The following TAOK1 variants were observed in gnomAD, a reference collection of about 807,000 sequenced individuals.
The protein encoded by TAOK1 is TAO kinase 1.
A neutral mutation model predicts 138.3 loss-of-function variants in TAOK1; 21 were observed. The observed-to-expected ratio is 0.15, with a 90% CI of 0.11 to 0.22. The LOEUF (loss-of-function observed/expected upper bound fraction) is 0.22. TAOK1 is among the 10% of genes least tolerant of loss of function. The pLI, the probability that TAOK1 is intolerant of heterozygous loss-of-function variation, is 1.00. For missense variants in TAOK1, 651 were observed against 1,227.7 expected, an observed-to-expected ratio of 0.53 and a Z score of 7.02; for synonymous variants, 361 against 398.4, an observed-to-expected ratio of 0.91 and a Z score of 1.12.
In TAOK1 at chr17:29,502,639, T is replaced by A. The variant is rs1160500651; in HGVS notation, c.1254T>A (p.Asp418Glu). Reference sequence around the variant, plus strand: ...GAGATCCTAGAACAAGAGCATCAGATCCACAATCTCCACCCCAAGTATCTC... The same window carrying A: ...GAGATCCTAGAACAAGAGCATCAGAACCACAATCTCCACCCCAAGTATCTC... Reference protein sequence around the residue: ...EEGDPRTRASDPQSPPQVSRH... With the variant: ...EEGDPRTRASEPQSPPQVSRH... Residue 418 changes from aspartate to glutamate, a missense_variant, in exon 13 of 20, where the codon GAT becomes GAA. By Grantham distance (45) the Asp-to-Glu change is conservative. This residue lies in a region of TAOK1 where 104 missense variants were observed against 151.7 expected (regional missense o/e 0.69). Transcript: ENST00000261716. 1 of 1,613,796 alleles carries A rather than the reference T, an allele frequency of 6.2e-7. No homozygotes were observed. Among genetic ancestry groups the A allele is most frequent in the Non-Finnish European group, 8.5e-7 (1 of 1,179,952 alleles).
chr17:29,456,345 C>T lies in TAOK1; in HGVS notation c.132+4665C>T, dbSNP rs188995827. Among the ~76,000 whole-genome samples, 422 of 149,770 alleles carry T rather than the reference C, an allele frequency of 2.8e-3. 34 individuals carry two copies. The highest frequency in any genetic ancestry group is 0.01 in the Middle Eastern group (3 of 294). ...CCAGCCTGGGGGATAGAGCGAGACT[C>T]TGTCTCCGGGAAAAAAAAAATGTTT... is the stretch of plus-strand genomic sequence containing the variant. On this transcript the variant is annotated intron_variant, in intron 2 of 19. Coordinates refer to ENST00000261716, the MANE Select transcript of TAOK1 (RefSeq NM_020791.4).
intron 1 of TAOK1, among the ~76,000 whole-genome samples, chr17:29,445,916 A>G (rs1175789210): frequency 2.0e-5 from 3 of 152,146 alleles, no homozygotes; most frequent in African/African-American, 7.2e-5. Context: ...GAAATTTGAT[A>G]ATGAAACTGT....
intron 17 of TAOK1, among the ~76,000 whole-genome samples, chr17:29,528,157 C>A (rs2032043749): frequency 6.6e-6 from 1 of 152,152 alleles, no homozygotes; most frequent in African/African-American, 2.4e-5. Flanking sequence ...TCAAGCAATT[C>A]TTGTGCCTCA....
At chr17:29,483,209 C>G (rs1379602893) in intron 8 of TAOK1, among the ~76,000 whole-genome samples, 1 of 152,128 alleles carries the variant, frequency 6.6e-6, no homozygotes, top group Non-Finnish European at 1.5e-5. Context: ...TCCTGCATAG[C>G]TGGGACTGCA....
chr17:29,469,148 G>A (rs941666255), intron 3 of TAOK1, among the ~76,000 whole-genome samples: 2 of 151,986 alleles, frequency 1.3e-5, no homozygotes, highest in Admixed American at 6.6e-5. Flanking sequence ...TTGGGAGGCC[G>A]AGGTGGGTGG....
chr17:29,509,056 C>T (rs149175056), intron 14 of TAOK1, among the ~76,000 whole-genome samples: 128 of 152,072 alleles, frequency 8.4e-4, no homozygotes, highest in Non-Finnish European at 1.5e-3. Flanking sequence ...GGGACCCTGA[C>T]AAAATAATTT....
intron 19 of TAOK1, among the ~76,000 whole-genome samples, chr17:29,537,354 T>G (rs1252894816): frequency 6.6e-6 from 1 of 151,802 alleles, no homozygotes; most frequent in Non-Finnish European, 1.5e-5. Flanking sequence ...TACTTGTTTG[T>G]TTTTTTTCAA....
Position 29,480,457 on chromosome 17 carries a change from A to T in TAOK1, c.539A>T (p.Asn180Ile). 6.2e-7 allele frequency: 1 copy of T among 1,613,304 alleles called. No homozygotes were observed. ...FGSASMASPA[N>I]SFVGTPYWMA... ...TCTGCTTCCATGGCATCACCTGCCA[A>T]TTCCTTTGTGGGAACGCCGTATTGG... The change falls in exon 7 of 20, where the codon AAT becomes ATT. Residue 180 changes from asparagine to isoleucine, a missense_variant. Asn to Ile is a moderately radical substitution (Grantham distance 149). This residue lies in a region of TAOK1 where 116 missense variants were observed against 213.9 expected (regional missense o/e 0.54). Transcript: ENST00000261716.
At chr17:29,440,864 C>G (rs2029922873) in intron 1 of TAOK1, among the ~76,000 whole-genome samples, 1 of 152,222 alleles carries the variant, frequency 6.6e-6, no homozygotes, top group African/African-American at 2.4e-5. Flanking sequence ...GCATGAGCCA[C>G]CGGCCCAGCC....
chr17:29,507,629 T>C (rs1185936403), intron 13 of TAOK1, among the ~76,000 whole-genome samples: 1 of 152,252 alleles, frequency 6.6e-6, no homozygotes, highest in Non-Finnish European at 1.5e-5. Context: ...CAGTATCACA[T>C]TGTCTTGATT....
At chr17:29,397,683 A>ATTCATGTATGATACATGTATC (rs57871191) in intron 1 of TAOK1, among the ~76,000 whole-genome samples, 1 of 138,680 alleles carries the variant, frequency 7.2e-6, no homozygotes, top group Non-Finnish European at 1.5e-5. Context: ...ATACATGTAT[A>ATTCATGTATGATACATGTATC]CATGTATATT....
chr17:29,496,579 CTTTTTT>C (rs748595265), intron 11 of TAOK1, among the ~76,000 whole-genome samples: 1 of 87,858 alleles, frequency 1.1e-5, no homozygotes, highest in African/African-American at 4.7e-5. Flanking sequence ...CCATCTACAC[CTTTTTT>C]TTTTTTTTTT....
chr17:29,517,747 C>G, intron 16 of TAOK1, 91 bp downstream of exon 16: 4 of 1,203,316 alleles, frequency 3.3e-6, no homozygotes, highest in Admixed American at 2.4e-5. Flanking sequence ...AGGGACTTTG[C>G]ACTTATACTT....
intron 1 of TAOK1, among the ~76,000 whole-genome samples, chr17:29,408,098 A>AT (rs1437320665): frequency 1.3e-5 from 2 of 151,182 alleles, no homozygotes; most frequent in African/African-American, 4.9e-5. Flanking sequence ...GTCAGACTTG[A>AT]TCCTTCCCTA....
rs1198946717 is a variant in TAOK1 at position 29,547,171 on chromosome 17, A to C, written c.*4149A>C. On this transcript the variant is annotated 3_prime_UTR_variant, in exon 20 of 20. Transcript: ENST00000261716. ...ATCACACAATCTTTATGTGCTTTCT[A>C]TATGTATTTCTTAGTAGTGATACCA... 3 of 152,128 alleles carry C rather than the reference A, an allele frequency of 2.0e-5. No homozygotes were observed. Among genetic ancestry groups the C allele is most frequent in the Non-Finnish European group, 4.4e-5 (3 of 67,980 alleles). 9.4% of individuals were successfully genotyped at this position (152,128 alleles called of 1,614,324 possible).
In TAOK1 at chr17:29,528,141, C is replaced by A. The variant is rs552259474; in HGVS notation, c.2149-2266C>A. Among the ~76,000 whole-genome samples, 6 of 152,264 alleles carry A rather than the reference C, an allele frequency of 3.9e-5. No individual in the cohort carries two copies. The South Asian group carries it at 1.2e-3, about 32-fold the overall frequency. On this transcript the variant is annotated intron_variant, in intron 17 of 19. Transcript: ENST00000261716. Reference sequence around the variant, plus strand: ...CTTAGCTCACTGCAGCCTCCACCTCCCGGGTTCAAGCAATTCTTGTGCCTC... The same window carrying A: ...CTTAGCTCACTGCAGCCTCCACCTCACGGGTTCAAGCAATTCTTGTGCCTC...
At chr17:29,510,663 T>A (rs1368592304) in intron 14 of TAOK1, among the ~76,000 whole-genome samples, 3 of 152,198 alleles carry the variant, frequency 2.0e-5, no homozygotes, top group South Asian at 4.1e-4. Flanking sequence ...CAAAGATGAG[T>A]TTCATCTTAC....
intron 11 of TAOK1, 61 bp from the exon 12 acceptor site, chr17:29,498,257 A>C: frequency 6.4e-7 from 1 of 1,571,748 alleles, no homozygotes. Flanking sequence ...TATAGTCAAG[A>C]ATTCAGAAGA....
chr17:29,403,237 A>C (rs913920826), intron 1 of TAOK1, among the ~76,000 whole-genome samples: 1 of 149,282 alleles, frequency 6.7e-6, no homozygotes, highest in African/African-American at 2.5e-5. Flanking sequence ...GTTTTAGTTG[A>C]TGTTTTTAAT....
Sources: allele counts gnomAD v4.1 joint callset (sites outside exome capture counted in the v4.1 genomes callset), GRCh38; gene constraint gnomAD v4.1.1; regional missense constraint gnomAD v4.1.1; transcripts MANE v1.5; gene names NCBI Gene and HGNC (gene_info 2026-07-23, HGNC 2026-07-21).